The following ZBTB20 variants were observed in gnomAD, a reference collection of about 807,000 sequenced individuals.
The protein encoded by ZBTB20 is zinc finger and BTB domain containing 20, also known as zinc finger and BTB domain-containing protein 20.
Under a neutral mutation model 56.9 loss-of-function variants are expected in ZBTB20, and 9 were observed. The observed-to-expected ratio is 0.16, with a 90% CI of 0.10 to 0.28. The LOEUF (loss-of-function observed/expected upper bound fraction) is 0.28. Among genes scored for constraint, ZBTB20 ranks in the 10% least tolerant of loss-of-function variants. ZBTB20 has a pLI of 1.00. For synonymous variants in ZBTB20, 417 were observed against 420.7 expected, an observed-to-expected ratio of 0.99 and a Z score of 0.11; for missense variants, 655 against 1,003.0, an observed-to-expected ratio of 0.65 and a Z score of 4.69.
chr3:114,580,434 A>C (rs575490908), intron 6 of ZBTB20, among the ~76,000 whole-genome samples: 16 of 151,814 alleles, frequency 1.1e-4, no homozygotes, highest in Non-Finnish European at 2.4e-4. Flanking sequence ...CATTAAAATA[A>C]GAAACAGAAT....
intron 7 of ZBTB20, among the ~76,000 whole-genome samples, chr3:114,398,136 T>C (rs893886589): frequency 6.6e-6 from 1 of 152,166 alleles, no homozygotes; most frequent in Non-Finnish European, 1.5e-5. Flanking sequence ...TATAAAAATG[T>C]ATCCTTTATG....
intron 2 of ZBTB20, among the ~76,000 whole-genome samples, chr3:115,013,640 A>C (rs2079816001): frequency 6.6e-6 from 1 of 151,740 alleles, no homozygotes; most frequent in Non-Finnish European, 1.5e-5. Flanking sequence ...ACTCTGAAAA[A>C]CAGAGGAGGA....
At chr3:114,550,077 A>T (rs1371142890) in intron 6 of ZBTB20, among the ~76,000 whole-genome samples, 1 of 151,936 alleles carries the variant, frequency 6.6e-6, no homozygotes. Flanking sequence ...AGCTGGGACT[A>T]CAGGTGCCCG....
chr3:114,393,067 C>T (rs1254732261), intron 7 of ZBTB20, among the ~76,000 whole-genome samples: 2 of 152,230 alleles, frequency 1.3e-5, no homozygotes, highest in Non-Finnish European at 2.9e-5. Context: ...TAGCATTAAT[C>T]AAACTCTTTT....
In ZBTB20 at chr3:115,026,746, T is replaced by C. The variant is rs563347709; in HGVS notation, c.-507+44473A>G. On this transcript the variant is annotated intron_variant, in intron 2 of 11. Coordinates refer to ENST00000675478, the MANE Select transcript of ZBTB20 (RefSeq NM_001348800.3). The stretch of plus-strand genomic sequence containing the variant: ...ACTCTGTGCCTCTTTTTACCAACAA[T>C]TCTCCCTCCTTTCATCACCTGTGTA... Among the ~76,000 whole-genome samples, 26 of 150,894 alleles carry C rather than the reference T, an allele frequency of 1.7e-4. No homozygotes were observed. The South Asian group carries it at 4.6e-3, about 26-fold the overall frequency.
intron 4 of ZBTB20, among the ~76,000 whole-genome samples, chr3:114,861,503 T>C (rs1240087050): frequency 1.3e-5 from 2 of 152,182 alleles, no homozygotes; most frequent in African/African-American, 4.8e-5. Context: ...TCACCTACAA[T>C]GACCCTTCAC....
At chr3:114,721,485 A>G (rs2064910110) in intron 5 of ZBTB20, among the ~76,000 whole-genome samples, 1 of 152,202 alleles carries the variant, frequency 6.6e-6, no homozygotes, top group Admixed American at 6.5e-5. Flanking sequence ...AACAATATTT[A>G]CTAAAGTTCT....
intron 2 of ZBTB20, among the ~76,000 whole-genome samples, chr3:115,063,671 ACACACACACACAAAC>A (rs1393890936): frequency 1.2e-4 from 18 of 151,832 alleles, no homozygotes; most frequent in African/African-American, 3.9e-4. Context: ...ACACACACAC[ACACACACACACAAAC>A]ACACACACAC....
At chr3:114,946,395 C>T (rs945321721) in intron 3 of ZBTB20, among the ~76,000 whole-genome samples, 1 of 144,998 alleles carries the variant, frequency 6.9e-6, no homozygotes, top group Non-Finnish European at 1.5e-5. Context: ...TCAAATAAAG[C>T]AATAGATAAA....
At chr3:114,674,132 A>G (rs2061504525) in intron 6 of ZBTB20, among the ~76,000 whole-genome samples, 2 of 152,176 alleles carry the variant, frequency 1.3e-5, no homozygotes, top group Non-Finnish European at 2.9e-5. Context: ...TTCTTCTACC[A>G]AAAGCTCAAG....
chr3:114,883,130 T>C (rs965017879), intron 4 of ZBTB20, among the ~76,000 whole-genome samples: 3 of 152,306 alleles, frequency 2.0e-5, no homozygotes, highest in East Asian at 3.9e-4. Flanking sequence ...AATAATCCAA[T>C]ACAGAATGGT....
intron 2 of ZBTB20, among the ~76,000 whole-genome samples, chr3:115,003,668 A>T (rs1325904673): frequency 6.6e-6 from 1 of 151,540 alleles, no homozygotes; most frequent in African/African-American, 2.4e-5. Flanking sequence ...CCCCTACTAA[A>T]AAACAAAACA....
intron 1 of ZBTB20, among the ~76,000 whole-genome samples, chr3:115,127,460 T>A (rs2108659006): frequency 6.6e-6 from 1 of 152,148 alleles, no homozygotes; most frequent in East Asian, 1.9e-4. Flanking sequence ...CACGATGGCA[T>A]ACACCTATAA....
intron 6 of ZBTB20, among the ~76,000 whole-genome samples, chr3:114,519,323 T>A (rs756976247): frequency 6.6e-6 from 1 of 152,110 alleles, no homozygotes; most frequent in Non-Finnish European, 1.5e-5. Flanking sequence ...TACAAACTAG[T>A]CATGTATCTG....
At chr3:114,497,098 T>C (rs1254765176) in intron 7 of ZBTB20, among the ~76,000 whole-genome samples, 1 of 152,214 alleles carries the variant, frequency 6.6e-6, no homozygotes, top group East Asian at 1.9e-4. Flanking sequence ...GATTATGCAA[T>C]AGGCCAAGAT....
intron 3 of ZBTB20, among the ~76,000 whole-genome samples, chr3:114,914,879 T>C (rs987693048): frequency 6.6e-6 from 1 of 151,962 alleles, no homozygotes; most frequent in Non-Finnish European, 1.5e-5. Flanking sequence ...TATTGATTGA[T>C]TTGCATGTGT....
intron 5 of ZBTB20, among the ~76,000 whole-genome samples, chr3:114,758,372 A>G (rs567403866): frequency 6.6e-6 from 1 of 152,276 alleles, no homozygotes; most frequent in African/African-American, 2.4e-5. Flanking sequence ...CACAATTGAC[A>G]ATAAGGACAC....
chr3:114,958,031 AC>A (rs1298170333), intron 3 of ZBTB20, among the ~76,000 whole-genome samples: 1 of 152,232 alleles, frequency 6.6e-6, no homozygotes, highest in Non-Finnish European at 1.5e-5. Context: ...CACACATTGT[AC>A]TAAAAATGAA....
At chr3:114,729,995 G>C (rs1223613932) in intron 5 of ZBTB20, among the ~76,000 whole-genome samples, 3 of 91,694 alleles carry the variant, frequency 3.3e-5, no homozygotes, top group African/African-American at 1.3e-4. Flanking sequence ...ACAGGGTTTT[G>C]CTTGGGGGCC....
Sources: allele counts gnomAD v4.1 joint callset (sites outside exome capture counted in the v4.1 genomes callset), GRCh38; gene constraint gnomAD v4.1.1; transcripts MANE v1.5; gene names NCBI Gene and HGNC (gene_info 2026-07-23, HGNC 2026-07-21).